The following POLI variants were observed in gnomAD, a reference collection of about 807,000 sequenced individuals.
POLI encodes DNA polymerase iota, also known as RAD30 homolog B.
POLI carries 58 observed loss-of-function variants against 51.6 expected under a neutral mutation model. The ratio of observed to expected loss-of-function variants is 1.12; its 90% confidence interval spans 0.91 to 1.40. The LOEUF (loss-of-function observed/expected upper bound fraction) is 1.40. POLI is among the 40% of genes most tolerant of loss of function. The probability of loss-of-function intolerance (pLI) is 0.00; values close to 1 mark genes in which losing one functional copy is unlikely to be tolerated. For missense variants in POLI, 921 were observed against 871.3 expected (o/e 1.06, Z -0.72); for synonymous variants, 322 against 299.7 (o/e 1.07, Z -0.77).
chr18:54,286,214 T>C (rs1327795337), intron 7 of POLI, among the ~76,000 whole-genome samples: 1 of 152,178 alleles, frequency 6.6e-6, no homozygotes, highest in Non-Finnish European at 1.5e-5. Flanking sequence ...TGTTTAACAA[T>C]GTGCAATACT....
Position 54,273,980 on chromosome 18 carries a change from G to T in POLI, c.296G>T (p.Gly99Val), listed in dbSNP as rs769761487. ...TGCAACTATGAAGCTAGGAAACTTG[G>T]AGTTAAGAAACTTATGAATGTCAGA... ...VTCNYEARKL[G>V]VKKLMNVRDA... Residue 99 changes from glycine to valine, a missense_variant, in exon 3 of 10, where the codon GGA becomes GTA. Physicochemically the swap from Gly to Val is moderately radical, Grantham distance 109. Coordinates refer to ENST00000579534, the MANE Select transcript of POLI (RefSeq NM_007195.3). 15 of 1,582,518 alleles carry T rather than the reference G, an allele frequency of 9.5e-6. No individual in the cohort carries two copies. The highest frequency in any genetic ancestry group is 1.1e-5 in the Non-Finnish European group (13 of 1,163,150).
intron 3 of POLI, among the ~76,000 whole-genome samples, chr18:54,316,038 C>T (rs893721439): frequency 5.3e-5 from 8 of 152,188 alleles, no homozygotes; most frequent in Admixed American, 2.0e-4. Context: ...GCCTCAGCCT[C>T]CTGAGTAGCT....
intron 3 of POLI, among the ~76,000 whole-genome samples, chr18:54,314,930 C>A (rs77262135): frequency 0.019 from 2,877 of 151,964 alleles, 33 homozygotes; most frequent in South Asian, 0.046. Context: ...TTTCATTGAT[C>A]TTTTTGTATG....
intron 3 of POLI, among the ~76,000 whole-genome samples, chr18:54,276,554 C>G (rs1232669440): frequency 6.6e-6 from 1 of 152,130 alleles, no homozygotes; most frequent in Non-Finnish European, 1.5e-5. Context: ...CTCTTGTTTT[C>G]TACATGTTAC....
In POLI at chr18:54,282,912, C is replaced by A. The variant is rs773001933; in HGVS notation, c.872C>A (p.Pro291His). 6.3e-7 allele frequency: 1 copy of A among 1,597,024 alleles called. No homozygotes were observed. The highest frequency in any genetic ancestry group is 1.3e-5 in the African/African-American group (1 of 74,620). ...NSVRDLQTFS[P>H]KILEKELGIS... ...GTGCGTGATCTCCAAACCTTTTCACCCAAAATTTTAGAAAAAGAATTAGGA... is the reference window on the plus strand; with the variant it reads ...GTGCGTGATCTCCAAACCTTTTCACACAAAATTTTAGAAAAAGAATTAGGA... The change falls in exon 6 of 10, where the codon CCC (proline) becomes CAC (histidine). Residue 291 changes from proline (P) to histidine (H), a missense_variant. Transcript: ENST00000579534.
At chr18:54,280,542 ATGG>A (rs925887403) in intron 4 of POLI, 122 bp from the exon 5 acceptor site, 1 of 645,402 alleles carries the variant, frequency 1.5e-6, no homozygotes, top group African/African-American at 1.8e-5. Flanking sequence ...CCAGGTGATG[ATGG>A]TGGTGGTTGT....
At chr18:54,306,248 C>G (rs2088583934) in intron 3 of POLI, among the ~76,000 whole-genome samples, 1 of 152,118 alleles carries the variant, frequency 6.6e-6, no homozygotes, top group Non-Finnish European at 1.5e-5. Context: ...AGATACGTGC[C>G]ATCAATATCT....
intron 7 of POLI, among the ~76,000 whole-genome samples, chr18:54,285,502 CA>C (rs561634870): frequency 9.0e-5 from 12 of 133,688 alleles, no homozygotes; most frequent in Admixed American, 1.5e-4. Flanking sequence ...AAGTGACTTG[CA>C]AAAAAAAAAA....
At chr18:54,280,465 C>T (rs56128570) in intron 4 of POLI, among the ~76,000 whole-genome samples, 1 of 152,184 alleles carries the variant, frequency 6.6e-6, no homozygotes, top group African/African-American at 2.4e-5. Context: ...TCCCATTTGA[C>T]CCCACCTCCA....
chr18:54,307,218 T>G (rs926535123), intron 3 of POLI, among the ~76,000 whole-genome samples: 1 of 152,256 alleles, frequency 6.6e-6, no homozygotes, highest in Non-Finnish European at 1.5e-5. Flanking sequence ...CTTTCTCTTG[T>G]GGGCATTTAG....
Position 54,297,955 on chromosome 18 carries a change from T to G in POLI, c.*3488T>G. 1 of 982,660 alleles carries G rather than the reference T, an allele frequency of 1.0e-6. No individual in the cohort carries two copies. The highest frequency in any genetic ancestry group is 1.2e-6 in the Non-Finnish European group (1 of 827,432). The allele number at this position is 982,660 out of a possible 1,614,324, so 60.9% of individuals were successfully genotyped here. A position where few individuals can be genotyped will look rare whatever the true frequency, so the allele number is the denominator to read the frequency against. On this transcript the variant is annotated 3_prime_UTR_variant, in exon 10 of 10. Transcript: ENST00000579534. ...AAATTATGTCCTTAGAGCTGTAGAT[T>G]TAGAACTGACATCTCTTGAGCTGTT...
At chr18:54,307,907 G>GTTT (rs146438469) in intron 3 of POLI, among the ~76,000 whole-genome samples, 67 of 145,160 alleles carry the variant, frequency 4.6e-4, no homozygotes, top group Admixed American at 6.2e-4. Flanking sequence ...TTCAACCCCT[G>GTTT]TTTTTTTTTT....
intron 3 of POLI, chr18:54,320,178 ACAGT>A (rs935837449): frequency 5.9e-5 from 9 of 152,308 alleles, no homozygotes; most frequent in African/African-American, 1.7e-4. Flanking sequence ...GGAACAGAAG[ACAGT>A]CTCCCTTTAG....
chr18:54,312,469 G>T (rs1280560480), intron 3 of POLI, among the ~76,000 whole-genome samples: 1 of 151,964 alleles, frequency 6.6e-6, no homozygotes, highest in Non-Finnish European at 1.5e-5. Flanking sequence ...TTTTCCTTTG[G>T]GTATATACCC....
intron 2 of POLI, among the ~76,000 whole-genome samples, chr18:54,272,498 G>A (rs2087049513): frequency 6.6e-6 from 1 of 152,004 alleles, no homozygotes; most frequent in African/African-American, 2.4e-5. Context: ...TTGAGAAGGG[G>A]TCTCACTCTG....
chr18:54,269,763 C>G, intron 1 of POLI, 102 bp downstream of exon 1: 1 of 1,394,784 alleles, frequency 7.2e-7, no homozygotes, highest in Non-Finnish European at 9.2e-7. Context: ...CGACCGTCCC[C>G]GCCCCACTCG....
At chr18:54,309,177 A>C (rs1284000081) in intron 3 of POLI, among the ~76,000 whole-genome samples, 1 of 152,106 alleles carries the variant, frequency 6.6e-6, no homozygotes, top group Non-Finnish European at 1.5e-5. Context: ...TGGATTTTAA[A>C]ATTTTCAGCT....
Position 54,296,342 on chromosome 18 carries a change from C to A in POLI, c.*1875C>A. ...ATGTACGGGCTATGTCACAGTTACG[C>A]TACTTATTTTGTGGTTTTAAGTTAG... On this transcript the variant is annotated 3_prime_UTR_variant, in exon 10 of 10. Coordinates refer to ENST00000579534, the MANE Select transcript of POLI (RefSeq NM_007195.3). 1.1e-5 allele frequency: 11 copies of A among 985,202 alleles called. No homozygotes were observed. The highest frequency in any genetic ancestry group is 1.3e-5 in the Non-Finnish European group (11 of 829,746). The allele number at this position is 985,202 out of a possible 1,614,324, so 61.0% of individuals were successfully genotyped here.
intron 4 of POLI, among the ~76,000 whole-genome samples, chr18:54,279,227 C>G (rs912014388): frequency 7.3e-5 from 11 of 149,848 alleles, no homozygotes; most frequent in Non-Finnish European, 1.5e-5. Context: ...CAAAAAATAC[C>G]CATTATGTCT....
Sources: allele counts gnomAD v4.1 joint callset (sites outside exome capture counted in the v4.1 genomes callset), GRCh38; gene constraint gnomAD v4.1.1; transcripts MANE v1.5; gene names NCBI Gene and HGNC (gene_info 2026-07-23, HGNC 2026-07-21).